The following DMD variants were observed in gnomAD, a reference collection of about 807,000 sequenced individuals.
DMD encodes the protein mutant dystrophin.
In DMD, 63 loss-of-function variants were observed where a neutral mutation model predicts 330.1. The ratio of observed to expected loss-of-function variants is 0.19; its 90% CI spans 0.16 to 0.24. The LOEUF is 0.24. Ranked by LOEUF, DMD falls within the 10% of genes least tolerant of loss-of-function variation. The pLI, the probability that DMD is intolerant of heterozygous loss-of-function variation, is 1.00. For synonymous variants in DMD, 1,223 were observed against 959.8 expected, an observed-to-expected ratio of 1.27 and a Z score of -5.07; for missense variants, 3,344 against 2,684.1, an observed-to-expected ratio of 1.25 and a Z score of -5.43.
intron 2 of DMD, among the ~76,000 whole-genome samples, chrX:32,866,700 T>C (rs1464185356): frequency 1.2e-5 from 1 of 81,076 alleles, no homozygotes; most frequent in Non-Finnish European, 2.2e-5. Flanking sequence ...TCAACCTTAA[T>C]ATATACATAC....
At chrX:32,662,352 A>C (rs1164240672) in intron 9 of DMD, among the ~76,000 whole-genome samples, 1 of 111,931 alleles carries the variant, frequency 8.9e-6, no homozygotes, top group Admixed American at 9.5e-5. Flanking sequence ...AAACTCATGC[A>C]GAAACTGTAA....
At chrX:32,166,219 T>C (rs1316593788) in intron 44 of DMD, among the ~76,000 whole-genome samples, 3 of 110,146 alleles carry the variant, frequency 2.7e-5, no homozygotes, top group Non-Finnish European at 5.7e-5. Flanking sequence ...CCTTAGGAGG[T>C]AGATGTGGGT....
intron 1 of DMD, among the ~76,000 whole-genome samples, chrX:33,039,503 G>C (rs1018688335): frequency 2.7e-5 from 3 of 111,248 alleles, no homozygotes; most frequent in Non-Finnish European, 5.7e-5. Flanking sequence ...AAATGCTTTT[G>C]AGTCACCTTT....
intron 44 of DMD, among the ~76,000 whole-genome samples, chrX:32,024,532 T>C (rs956360154): frequency 3.7e-5 from 4 of 108,816 alleles, no homozygotes; most frequent in Admixed American, 2.9e-4. Flanking sequence ...AAAGAATATA[T>C]TATTTTACTA....
chrX:33,164,417 C>T (rs2048952606), intron 1 of DMD, among the ~76,000 whole-genome samples: 1 of 111,953 alleles, frequency 8.9e-6, no homozygotes, highest in African/African-American at 3.2e-5. Context: ...GGCTCCTTAG[C>T]CAATGTAGAG....
At chrX:33,040,945 G>T (rs191073081) in intron 1 of DMD, among the ~76,000 whole-genome samples, 86 of 111,891 alleles carry the variant, frequency 7.7e-4, no homozygotes, top group Non-Finnish European at 1.4e-3. Flanking sequence ...ATAAGGAATA[G>T]ATTCATCTAG....
At chrX:33,139,765 C>A (rs73190220) in intron 1 of DMD, among the ~76,000 whole-genome samples, 8,286 of 107,715 alleles carry the variant, frequency 0.077, 361 homozygotes, top group South Asian at 0.19. Context: ...GCTTCCTGTA[C>A]AGCCTATGGA....
chrX:32,090,800 G>T (rs957720980), intron 44 of DMD, among the ~76,000 whole-genome samples: 3 of 110,407 alleles, frequency 2.7e-5, no homozygotes, highest in Non-Finnish European at 5.7e-5. Flanking sequence ...ATCTAGGTGA[G>T]CCAACCCAAT....
intron 55 of DMD, among the ~76,000 whole-genome samples, chrX:31,542,826 G>A (rs1355201147): frequency 8.8e-6 from 1 of 113,068 alleles, no homozygotes; most frequent in Non-Finnish European, 1.9e-5. Flanking sequence ...AATGCAGCAA[G>A]CTAGTTGAGC....
At chrX:31,781,669 A>G (rs1279467869) in intron 50 of DMD, among the ~76,000 whole-genome samples, 1 of 111,566 alleles carries the variant, frequency 9.0e-6, no homozygotes, top group Non-Finnish European at 1.9e-5. Context: ...ATTCATCTAC[A>G]TGCGCTCAGT....
At chrX:31,712,861 T>C (rs2084749465) in intron 52 of DMD, among the ~76,000 whole-genome samples, 1 of 111,641 alleles carries the variant, frequency 9.0e-6, no homozygotes, top group Non-Finnish European at 1.9e-5. Context: ...AACAAAGTCC[T>C]GCTCCATATC....
chrX:32,381,550 T>C (rs1312852573), intron 33 of DMD, among the ~76,000 whole-genome samples: 1 of 111,576 alleles, frequency 9.0e-6, no homozygotes, highest in Non-Finnish European at 1.9e-5. Flanking sequence ...TAAATTACAA[T>C]TTCTTAAAGG....
At chrX:32,604,494 A>G (rs2056511300) in intron 12 of DMD, among the ~76,000 whole-genome samples, 1 of 110,170 alleles carries the variant, frequency 9.1e-6, no homozygotes, top group South Asian at 3.9e-4. Flanking sequence ...GAACTACAAC[A>G]AGACAAGGAT....
chrX:32,315,484 T>C (rs1335411950), intron 41 of DMD, among the ~76,000 whole-genome samples: 2 of 109,716 alleles, frequency 1.8e-5, no homozygotes, highest in Non-Finnish European at 3.8e-5. Context: ...CTGCACGTTC[T>C]GTACATGTAT....
At chrX:32,727,628 T>C (rs939856401) in intron 7 of DMD, among the ~76,000 whole-genome samples, 1 of 110,780 alleles carries the variant, frequency 9.0e-6, no homozygotes, top group African/African-American at 3.3e-5. Flanking sequence ...AAACATGACT[T>C]TCCTAATTTA....
rs60825399 is a variant in DMD at position 32,628,295 on chromosome X, TA to T, written c.1332-13843del. Among the ~76,000 whole-genome samples, 118 of 66,555 alleles carry T rather than the reference TA, an allele frequency of 1.8e-3. 33 individuals carry two copies. Among genetic ancestry groups the T allele is most frequent in the African/African-American group, 0.011 (108 of 9,653 alleles). 57.8% of individuals were successfully genotyped at this position (66,555 alleles called of 115,157 possible). On this transcript the variant is annotated intron_variant, in intron 11 of 78. Coordinates refer to ENST00000357033, the MANE Select transcript of DMD (RefSeq NM_004006.3). Reference sequence around the variant, plus strand: ...TTTTTTTTTTTTTTTTTTTTTTTTTTAAGCTCTCACAAGTAAGTGAGAACAT... The same window carrying T: ...TTTTTTTTTTTTTTTTTTTTTTTTTTAGCTCTCACAAGTAAGTGAGAACAT...
intron 2 of DMD, among the ~76,000 whole-genome samples, chrX:32,904,154 G>A (rs1170764708): frequency 8.9e-6 from 1 of 112,011 alleles, no homozygotes; most frequent in East Asian, 2.8e-4. Context: ...AGAGGGAAAG[G>A]TGTAGCTTGG....
At chrX:33,207,788 G>T (rs1260928600) in intron 1 of DMD, among the ~76,000 whole-genome samples, 1 of 111,522 alleles carries the variant, frequency 9.0e-6, no homozygotes, top group Non-Finnish European at 1.9e-5. Flanking sequence ...CTATTTATTT[G>T]CTTGGTTTGT....
chrX:31,894,545 C>G (rs1477527608), intron 47 of DMD, among the ~76,000 whole-genome samples: 1 of 111,893 alleles, frequency 8.9e-6, no homozygotes, highest in African/African-American at 3.3e-5. Flanking sequence ...CCGGGGGAAA[C>G]TCACAGAAGT....
Sources: gnomAD v4.1 joint callset for allele counts (sites outside exome capture counted in the v4.1 genomes callset) on GRCh38, gnomAD v4.1.1 for gene constraint, MANE v1.5 for transcripts, NCBI Gene and HGNC (gene_info 2026-07-23, HGNC 2026-07-21) for gene names.